Variants in PTCHD1 observed in about 807,000 individuals in gnomAD.
PTCHD1 encodes the protein patched domain containing 1.
In PTCHD1, 3 loss-of-function variants were observed where a neutral mutation model predicts 34.6. That is an observed-to-expected ratio of 0.09 (90% CI 0.04 to 0.22). The LOEUF (loss-of-function observed/expected upper bound fraction) is 0.22, where lower values mean the gene tolerates loss of function less well. Among genes scored for constraint, PTCHD1 ranks in the 10% least tolerant of loss-of-function variants. The probability of loss-of-function intolerance (pLI) is 1.00; values close to 1 mark genes in which losing one functional copy is unlikely to be tolerated. For missense variants in PTCHD1, 504 were observed against 685.5 expected, an observed-to-expected ratio of 0.74 and a Z score of 2.96; for synonymous variants, 305 against 283.1, an observed-to-expected ratio of 1.08 and a Z score of -0.77.
chrX:23,336,820 C>T (rs1342206446), intron 1 of PTCHD1, among the ~76,000 whole-genome samples: 1 of 111,988 alleles, frequency 8.9e-6, no homozygotes, highest in Non-Finnish European at 1.9e-5. Context: ...AAAAGCTTTC[C>T]CACGAAAACA....
chrX:23,337,817 G>C (rs764237781), intron 1 of PTCHD1, among the ~76,000 whole-genome samples: 1 of 110,572 alleles, frequency 9.0e-6, no homozygotes, highest in Non-Finnish European at 1.9e-5. Flanking sequence ...GTAGGGTGTT[G>C]CTTCAAGCAT....
intron 1 of PTCHD1, among the ~76,000 whole-genome samples, chrX:23,353,572 A>G (rs1921709864): frequency 9.3e-6 from 1 of 108,087 alleles, no homozygotes; most frequent in African/African-American, 3.4e-5. Context: ...CTGGGCAACA[A>G]CAGCAAAACT....
intron 1 of PTCHD1, among the ~76,000 whole-genome samples, chrX:23,341,490 C>T (rs1231529410): frequency 8.9e-6 from 1 of 112,203 alleles, no homozygotes; most frequent in South Asian, 3.7e-4. Flanking sequence ...TACCTGATTT[C>T]GGGGCTCAGT....
chrX:23,391,358 C>CA (rs200572092), intron 2 of PTCHD1, among the ~76,000 whole-genome samples: 3,258 of 111,021 alleles, frequency 0.029, 132 homozygotes, highest in African/African-American at 0.1. Flanking sequence ...TATGAATAAC[C>CA]AAATTGGTCA....
chrX:23,334,781 CGCCGCT>C (rs1240772725), upstream of PTCHD1: 14 of 283,443 alleles, frequency 4.9e-5, no homozygotes, highest in East Asian at 2.8e-4. Flanking sequence ...CCGCCGCGGG[CGCCGCT>C]GCCGCCGCCG....
chrX:23,369,012 C>T (rs921615632), intron 1 of PTCHD1, among the ~76,000 whole-genome samples: 12 of 111,404 alleles, frequency 1.1e-4, no homozygotes, highest in African/African-American at 3.9e-4. Flanking sequence ...TGCAGTGAGT[C>T]GAGATCATGC....
chrX:23,361,725 A>T (rs908643572), intron 1 of PTCHD1, among the ~76,000 whole-genome samples: 4 of 111,910 alleles, frequency 3.6e-5, no homozygotes, highest in Non-Finnish European at 7.5e-5. Context: ...CCATTAGTTG[A>T]TGCATTTTCT....
chrX:23,358,026 T>C (rs1303094645), intron 1 of PTCHD1, among the ~76,000 whole-genome samples: 2 of 112,042 alleles, frequency 1.8e-5, no homozygotes, highest in African/African-American at 6.5e-5. Flanking sequence ...CCATGGTGTA[T>C]ATGTGCCACA....
At chrX:23,380,984 G>A (rs1475902386) in intron 2 of PTCHD1, among the ~76,000 whole-genome samples, 1 of 111,610 alleles carries the variant, frequency 9.0e-6, no homozygotes, top group Non-Finnish European at 1.9e-5. Flanking sequence ...GGAATGGGAG[G>A]GCATGTTGGG....
rs762550442 is a variant in PTCHD1, at chrX:23,344,683, C to A, written c.351+9457C>A. 2.2e-3 allele frequency among the ~76,000 whole-genome samples: 250 copies of A among 111,741 alleles called. 1 individual carries two copies. Among genetic ancestry groups the A allele is most frequent in the Middle Eastern group, 9.2e-3 (2 of 218 alleles). Reference sequence around the variant, plus strand: ...CGGATGGGGATGGGTGCATTGCATTCCAGCACACCAACGTGGTTCCTCTGG... The same window carrying A: ...CGGATGGGGATGGGTGCATTGCATTACAGCACACCAACGTGGTTCCTCTGG... On this transcript the variant is annotated intron_variant, in intron 1 of 2. Transcript: ENST00000379361.
chrX:23,380,204 G>C lies in PTCHD1; in HGVS notation c.965G>C (p.Gly322Ala). ...GCAGCCGGGATCATCAATCTTACTG[G>C]TGGGAAATATAATTCCACCTTCCTG... The part of the protein sequence containing the change: ...LTAAGIINLT[G>A]GKYNSTFLGV... The change falls in exon 2 of 3, where the codon GGT becomes GCT. Residue 322 changes from glycine (G) to alanine (A), a missense_variant. Coordinates refer to ENST00000379361, the MANE Select transcript of PTCHD1 (RefSeq NM_173495.3). 1 of 1,211,053 alleles carries C rather than the reference G, an allele frequency of 8.3e-7. No individual in the cohort carries two copies. Among genetic ancestry groups the C allele is most frequent in the Non-Finnish European group, 1.1e-6 (1 of 895,296 alleles).
rs1364985422 is a variant in PTCHD1 at position 23,401,409 on chromosome X, C to G, written c.*7224C>G. 1 of 112,512 alleles carries G rather than the reference C, an allele frequency of 8.9e-6. No homozygotes were observed. The highest frequency in any genetic ancestry group is 1.9e-5 in the Non-Finnish European group (1 of 53,316). 9.3% of individuals were successfully genotyped at this position (112,512 alleles called of 1,213,427 possible). On this transcript the variant is annotated 3_prime_UTR_variant, in exon 3 of 3. Coordinates refer to ENST00000379361, the MANE Select transcript of PTCHD1 (RefSeq NM_173495.3). The stretch of plus-strand genomic sequence containing the variant: ...ATCCTGTCAAAATTGCCTTTACGCA[C>G]TGATCCAGAATCACCAAGGCAGTTG...
Position 23,334,868 on chromosome X carries a change from G to A in PTCHD1, c.-8G>A. 1 of 1,183,840 alleles carries A rather than the reference G, an allele frequency of 8.4e-7. No individual in the cohort carries two copies. The stretch of plus-strand genomic sequence containing the variant: ...CTCGCCCTCCTCCCGCGCCCGCTCT[G>A]CTCTAGGATGCTGCGGCAGGTTCTG... On this transcript the variant is annotated 5_prime_UTR_variant, in exon 1 of 3. Transcript: ENST00000379361.
intron 1 of PTCHD1, among the ~76,000 whole-genome samples, chrX:23,375,677 A>T (rs1922397724): frequency 8.9e-6 from 1 of 111,760 alleles, no homozygotes; most frequent in African/African-American, 3.3e-5. Flanking sequence ...GTAAGACTTG[A>T]GAATCAGGTC....
chrX:23,353,994 G>A (rs192770172), intron 1 of PTCHD1, among the ~76,000 whole-genome samples: 1 of 111,502 alleles, frequency 9.0e-6, no homozygotes, highest in East Asian at 2.8e-4. Flanking sequence ...CTTCTGGGAC[G>A]CTTTTTAAAA....
chrX:23,385,755 C>T (rs1019672693), intron 2 of PTCHD1, among the ~76,000 whole-genome samples: 1 of 110,887 alleles, frequency 9.0e-6, no homozygotes, highest in Non-Finnish European at 1.9e-5. Context: ...CCCTTCTCTA[C>T]ACTGATTGGT....
Position 23,379,865 on chromosome X carries a change from T to C in PTCHD1, c.626T>C (p.Ile209Thr). Residue 209 changes from isoleucine to threonine, a missense_variant, in exon 2 of 3, where the codon ATC (isoleucine) becomes ACC (threonine). Ile to Thr is a moderately conservative substitution (Grantham distance 89, BLOSUM62 -1). Transcript: ENST00000379361. ...GACCGGGTGAAATCTGCAGAGGCCA[T>C]CCAGCTCACCTACTACCTGCAGTCA... ...SKDRVKSAEA[I>T]QLTYYLQSIN... is the part of the protein sequence containing the mutation. 1 of 1,211,830 alleles carries C rather than the reference T, an allele frequency of 8.3e-7. No individual in the cohort carries two copies. Among genetic ancestry groups the C allele is most frequent in the Non-Finnish European group, 1.1e-6 (1 of 895,477 alleles).
intron 1 of PTCHD1, among the ~76,000 whole-genome samples, chrX:23,375,014 C>T (rs1922372643): frequency 8.9e-6 from 1 of 111,734 alleles, no homozygotes; most frequent in Non-Finnish European, 1.9e-5. Flanking sequence ...CCATTGTGCC[C>T]CAGGACCTTT....
chrX:23,379,545 A>G (rs1016444016), intron 1 of PTCHD1, 46 bp from the exon 2 acceptor site: 3 of 1,177,560 alleles, frequency 2.5e-6, no homozygotes, highest in Non-Finnish European at 3.5e-6. Context: ...AAAAATAAAA[A>G]TAGAAATATT....
Sources: allele counts gnomAD v4.1 joint callset (sites outside exome capture counted in the v4.1 genomes callset), GRCh38; gene constraint gnomAD v4.1.1; transcripts MANE v1.5; gene names NCBI Gene and HGNC (gene_info 2026-07-23, HGNC 2026-07-21).